Variants in RICTOR observed in about 807,000 individuals in gnomAD.
RICTOR encodes rapamycin-insensitive companion of mTOR.
RICTOR carries 49 observed loss-of-function variants against 214.9 expected under a neutral mutation model. The observed-to-expected ratio is 0.23, with a 90% confidence interval of 0.18 to 0.29. RICTOR has a LOEUF of 0.29. RICTOR is among the 10% of genes least tolerant of loss of function. The pLI, the probability that RICTOR is intolerant of heterozygous loss-of-function variation, is 1.00. For synonymous variants in RICTOR, 717 were observed against 711.3 expected, an observed-to-expected ratio of 1.01 and a Z score of -0.13; for missense variants, 1,625 against 2,047.0, an observed-to-expected ratio of 0.79 and a Z score of 3.98.
intron 2 of RICTOR, among the ~76,000 whole-genome samples, chr5:39,021,981 C>T (rs1461856291): frequency 6.6e-6 from 1 of 152,154 alleles, no homozygotes; most frequent in Non-Finnish European, 1.5e-5. Context: ...TTCAACTTTA[C>T]ATGGTGCCAA....
At chr5:39,068,219 C>T (rs542948001) in intron 2 of RICTOR, among the ~76,000 whole-genome samples, 9 of 152,294 alleles carry the variant, frequency 5.9e-5, no homozygotes, top group East Asian at 3.9e-4. Context: ...GAAATACCTA[C>T]GCAAGGTCAA....
At chr5:38,999,290 AG>A (rs1753434521) in intron 5 of RICTOR, among the ~76,000 whole-genome samples, 1 of 151,976 alleles carries the variant, frequency 6.6e-6, no homozygotes, top group Admixed American at 6.5e-5. Context: ...TATACAACAG[AG>A]AAAAAAAAAA....
At chr5:38,957,609 G>A in intron 25 of RICTOR, 43 bp downstream of exon 25, 1 of 1,039,470 alleles carries the variant, frequency 9.6e-7, no homozygotes, top group Non-Finnish European at 1.5e-6. Context: ...AATTTCAGAA[G>A]ATAAAAACAC....
intron 3 of RICTOR, among the ~76,000 whole-genome samples, chr5:39,007,640 G>T (rs1754182942): frequency 6.6e-6 from 1 of 151,806 alleles, no homozygotes; most frequent in Non-Finnish European, 1.5e-5. Flanking sequence ...AATGTACAAG[G>T]AATTTACTGA....
At chr5:39,013,339 T>C (rs1165092181) in intron 3 of RICTOR, among the ~76,000 whole-genome samples, 1 of 152,166 alleles carries the variant, frequency 6.6e-6, no homozygotes, top group East Asian at 1.9e-4. Flanking sequence ...GGTTTGACTA[T>C]TAAAATCCAT....
At chr5:38,990,716 A>AGATATATCATATC (rs1752640126) in intron 7 of RICTOR, among the ~76,000 whole-genome samples, 1 of 22,656 alleles carries the variant, frequency 4.4e-5, no homozygotes, top group Non-Finnish European at 8.0e-5. Context: ...TATGATATAT[A>AGATATATCATATC]TGATATATAT....
At chr5:39,021,928 A>AAT (rs1262066214) in intron 2 of RICTOR, among the ~76,000 whole-genome samples, 1 of 152,164 alleles carries the variant, frequency 6.6e-6, no homozygotes, top group Non-Finnish European at 1.5e-5. Context: ...AATTAGATAA[A>AAT]ATATATAGAT....
At chr5:38,994,174 A>G (rs1752992609) in intron 6 of RICTOR, among the ~76,000 whole-genome samples, 1 of 151,984 alleles carries the variant, frequency 6.6e-6, no homozygotes, top group African/African-American at 2.4e-5. Flanking sequence ...TGGGTGACAG[A>G]GCGAGACTCC....
intron 7 of RICTOR, among the ~76,000 whole-genome samples, chr5:38,990,708 TG>T (rs371717720): frequency 1.1e-3 from 10 of 8,786 alleles, no homozygotes; most frequent in Admixed American, 3.3e-3. Flanking sequence ...ATATCAGATA[TG>T]ATATATATGA....
chr5:39,053,738 A>G (rs1029932525), intron 2 of RICTOR, among the ~76,000 whole-genome samples: 1 of 150,786 alleles, frequency 6.6e-6, no homozygotes, highest in South Asian at 2.1e-4. Context: ...TAAAAATACA[A>G]AAAATTAGCC....
At chr5:38,944,668 GATCA>G (rs1747977627) in intron 35 of RICTOR, 99 bp from the exon 36 acceptor site, 1 of 1,081,396 alleles carries the variant, frequency 9.2e-7, no homozygotes, top group African/African-American at 1.6e-5. Context: ...AAGACCTAGA[GATCA>G]ATTACACATG....
chr5:38,950,822 G>T, intron 30 of RICTOR, 102 bp from the exon 31 acceptor site: 1 of 957,294 alleles, frequency 1.0e-6, no homozygotes, highest in Non-Finnish European at 1.5e-6. Context: ...TAGTCATCTA[G>T]AGGAAAAAAT....
intron 2 of RICTOR, among the ~76,000 whole-genome samples, chr5:39,054,561 G>A (rs923013446): frequency 6.6e-5 from 10 of 152,268 alleles, no homozygotes; most frequent in South Asian, 2.1e-4. Flanking sequence ...TTGATCAAAC[G>A]AATAGAATAA....
At chr5:39,019,297 T>C (rs1350079227) in intron 3 of RICTOR, among the ~76,000 whole-genome samples, 1 of 152,184 alleles carries the variant, frequency 6.6e-6, no homozygotes, top group Non-Finnish European at 1.5e-5. Flanking sequence ...TCAATGCAGA[T>C]GAAACAATCT....
intron 2 of RICTOR, among the ~76,000 whole-genome samples, chr5:39,052,392 T>C (rs574039688): frequency 1.3e-5 from 2 of 152,262 alleles, no homozygotes; most frequent in African/African-American, 4.8e-5. Context: ...TACCCAGTCA[T>C]TAGCATTTTT....
intron 2 of RICTOR, among the ~76,000 whole-genome samples, chr5:39,057,952 G>A (rs1758305478): frequency 6.6e-6 from 1 of 151,950 alleles, no homozygotes; most frequent in African/African-American, 2.4e-5. Flanking sequence ...CAGTATTTTT[G>A]TTTCACTTTC....
intron 2 of RICTOR, among the ~76,000 whole-genome samples, chr5:39,056,477 T>C (rs1176716743): frequency 6.6e-6 from 1 of 151,684 alleles, no homozygotes; most frequent in Non-Finnish European, 1.5e-5. Context: ...CTACAAAAAA[T>C]ACCAAAAAAT....
At chr5:38,984,153 CA>C (rs1257216924) in intron 7 of RICTOR, among the ~76,000 whole-genome samples, 1 of 151,974 alleles carries the variant, frequency 6.6e-6, no homozygotes, top group East Asian at 1.9e-4. Flanking sequence ...TTGTATTTTA[CA>C]ATTTGTGAGT....
chr5:38,976,786 A>T (rs1288361704), intron 9 of RICTOR, among the ~76,000 whole-genome samples: 2 of 152,186 alleles, frequency 1.3e-5, no homozygotes, highest in Non-Finnish European at 2.9e-5. Flanking sequence ...ACCAAATAGG[A>T]AAGATTCTGA....
Sources: gnomAD v4.1 joint callset for allele counts (sites outside exome capture counted in the v4.1 genomes callset) on GRCh38, gnomAD v4.1.1 for gene constraint, MANE v1.5 for transcripts, NCBI Gene and HGNC (gene_info 2026-07-23, HGNC 2026-07-21) for gene names.